SHOC2: variants seen among roughly 807,000 people sequenced by gnomAD.
SHOC2 encodes the protein SHOC2 leucine rich repeat scaffold protein.
In SHOC2, 4 loss-of-function variants were observed where a neutral mutation model predicts 50.2. The ratio of observed to expected loss-of-function variants is 0.08; its 90% CI spans 0.04 to 0.18. The LOEUF (loss-of-function observed/expected upper bound fraction) is 0.18, where lower values mean the gene tolerates loss of function less well. SHOC2 is among the 10% of genes least tolerant of loss of function. SHOC2 has a pLI of 1.00. For missense variants in SHOC2, 388 were observed against 669.6 expected (o/e 0.58, Z 4.64); for synonymous variants, 218 against 244.5 (o/e 0.89, Z 1.01).
intron 1 of SHOC2, among the ~76,000 whole-genome samples, chr10:110,940,754 C>T (rs562670848): frequency 6.6e-5 from 10 of 152,200 alleles, no homozygotes; most frequent in Non-Finnish European, 1.2e-4. Context: ...AATTGAGGAA[C>T]TGTCACCATC....
chr10:110,946,636 G>A (rs1389042010), intron 1 of SHOC2, among the ~76,000 whole-genome samples: 1 of 152,108 alleles, frequency 6.6e-6, no homozygotes, highest in Non-Finnish European at 1.5e-5. Flanking sequence ...CTGTATCTAT[G>A]CAGATGGAAT....
chr10:111,011,591 T>G lies in SHOC2; in HGVS notation c.1541-19T>G, dbSNP rs1848566446. The G allele has an allele frequency of 6.3e-7, 1 of 1,591,922 alleles. No individual in the cohort carries two copies. The highest frequency in any genetic ancestry group is 1.3e-5 in the African/African-American group (1 of 74,380). Reference sequence around the variant, plus strand: ...TAGCAACTAATTTTTAAAAAAAAATTGATTTTTTTTTTAAACAGGTACACT... The same window carrying G: ...TAGCAACTAATTTTTAAAAAAAAATGGATTTTTTTTTTAAACAGGTACACT... On this transcript the variant is annotated intron_variant, in intron 8 of 8. Coordinates refer to ENST00000369452, the MANE Select transcript of SHOC2 (RefSeq NM_007373.4).
chr10:110,953,084 T>C lies in SHOC2; in HGVS notation c.-234-11041T>C, dbSNP rs534787744. Reference sequence around the variant, plus strand: ...TATACTCCTTTGGCTATATACCCAGTAATGGGATTGCTGGGTCAAATGGTA... The same window carrying C: ...TATACTCCTTTGGCTATATACCCAGCAATGGGATTGCTGGGTCAAATGGTA... On this transcript the variant is annotated intron_variant, in intron 1 of 8. Transcript: ENST00000369452. 2.8e-4 allele frequency among the ~76,000 whole-genome samples: 42 copies of C among 152,368 alleles called. 1 individual carries two copies. Among genetic ancestry groups the C allele is most frequent in the African/African-American group, 1.0e-3 (42 of 41,580 alleles).
At chr10:111,003,425 C>A (rs886555650) in intron 4 of SHOC2, among the ~76,000 whole-genome samples, 6 of 152,076 alleles carry the variant, frequency 3.9e-5, no homozygotes, top group African/African-American at 1.4e-4. Context: ...CCAGTTATTC[C>A]AGTTTTCCTT....
chr10:111,007,226 A>G (rs1189716412), intron 5 of SHOC2, among the ~76,000 whole-genome samples: 2 of 152,204 alleles, frequency 1.3e-5, no homozygotes, highest in African/African-American at 2.4e-5. Context: ...TTGTAAAAAC[A>G]TCATATTTAT....
At chr10:110,944,931 T>G (rs1050699682) in intron 1 of SHOC2, among the ~76,000 whole-genome samples, 1 of 152,226 alleles carries the variant, frequency 6.6e-6, no homozygotes, top group Admixed American at 6.5e-5. Context: ...CAACTCTGCC[T>G]TGTCCTTATG....
chr10:110,947,135 G>A (rs1161016952), intron 1 of SHOC2, among the ~76,000 whole-genome samples: 1 of 152,152 alleles, frequency 6.6e-6, no homozygotes, highest in Non-Finnish European at 1.5e-5. Flanking sequence ...GGAGATAGAT[G>A]CCCTCCAAGT....
chr10:111,007,471 G>T (rs1239172309), intron 5 of SHOC2, 60 bp from the exon 6 acceptor site: 13 of 1,571,754 alleles, frequency 8.3e-6, no homozygotes, highest in South Asian at 5.6e-5. Context: ...GAAGTGACAG[G>T]TATATATAGA....
At chr10:110,933,635 G>A (rs149894053) in intron 1 of SHOC2, among the ~76,000 whole-genome samples, 17 of 152,224 alleles carry the variant, frequency 1.1e-4, no homozygotes, top group Non-Finnish European at 2.2e-4. Context: ...GTTGATTTTC[G>A]TCATTAAGAA....
intron 4 of SHOC2, among the ~76,000 whole-genome samples, chr10:111,004,135 T>G (rs960894265): frequency 6.6e-6 from 1 of 152,178 alleles, no homozygotes. Flanking sequence ...AATCTTTATG[T>G]TAATCTTAAT....
At chr10:110,973,303 T>C (rs1847817229) in intron 2 of SHOC2, among the ~76,000 whole-genome samples, 1 of 152,130 alleles carries the variant, frequency 6.6e-6, no homozygotes, top group African/African-American at 2.4e-5. Context: ...ATCCTAAATG[T>C]GAGTCAAATA....
chr10:110,919,528 CGGGCG>C (rs1403949749), upstream of SHOC2: 1 of 78,626 alleles, frequency 1.3e-5, no homozygotes, highest in Non-Finnish European at 2.1e-5. Context: ...AGTGGCGGGG[CGGGCG>C]GGGCGGGGCG....
chr10:111,004,570 GT>G (rs766378985), intron 4 of SHOC2, 35 bp from the exon 5 acceptor site: 2 of 1,490,302 alleles, frequency 1.3e-6, no homozygotes, highest in South Asian at 1.1e-5. Flanking sequence ...TCTCATCACA[GT>G]TCTAATTCTT....
intron 8 of SHOC2, among the ~76,000 whole-genome samples, chr10:111,011,109 T>C (rs1221867948): frequency 6.6e-6 from 1 of 152,198 alleles, no homozygotes; most frequent in Non-Finnish European, 1.5e-5. Context: ...GCCATATATG[T>C]GATAACTCTT....
At chr10:110,972,594 T>C (rs960548115) in intron 2 of SHOC2, among the ~76,000 whole-genome samples, 3 of 152,050 alleles carry the variant, frequency 2.0e-5, no homozygotes, top group Non-Finnish European at 4.4e-5. Flanking sequence ...CAACACAGAA[T>C]AGCACTTTGG....
At chr10:110,919,575 T>TGGG, upstream of SHOC2, 1 of 206,800 alleles carries the variant, frequency 4.8e-6, no homozygotes. Context: ...GGGCGGCGGT[T>TGGG]GGGCAGCGTC....
chr10:110,974,447 A>G (rs1319983012), intron 2 of SHOC2, among the ~76,000 whole-genome samples: 1 of 152,100 alleles, frequency 6.6e-6, no homozygotes, highest in African/African-American at 2.4e-5. Flanking sequence ...ATAATGTTTT[A>G]CATTCAACAG....
At position 111,005,591 on chromosome 10, in the gene SHOC2, G is replaced by A. The variant is rs183499321; in HGVS notation, c.1161+797G>A. On this transcript the variant is annotated intron_variant, in intron 5 of 8. Coordinates refer to ENST00000369452, the MANE Select transcript of SHOC2 (RefSeq NM_007373.4). ...ATATTAAATATCTTTATATTTATAC[G>A]TATAGCTGGTTTTTGCCAAAATGTT... Among the ~76,000 whole-genome samples the A allele has an allele frequency of 1.8e-3, 280 of 152,092 alleles. 2 individuals are homozygous for A. The highest frequency in any genetic ancestry group is 5.2e-3 in the Admixed American group (80 of 15,276).
upstream of SHOC2, chr10:110,919,391 G>C: frequency 2.6e-6 from 1 of 391,384 alleles, no homozygotes; most frequent in Non-Finnish European, 4.5e-6. Context: ...GGCGGAGAGA[G>C]AGAAGCTGGC....
Sources: gnomAD v4.1 joint callset for allele counts (sites outside exome capture counted in the v4.1 genomes callset) on GRCh38, gnomAD v4.1.1 for gene constraint, MANE v1.5 for transcripts, NCBI Gene and HGNC (gene_info 2026-07-23, HGNC 2026-07-21) for gene names.